ADGRL3: variants seen among roughly 807,000 people sequenced by gnomAD.
ADGRL3 encodes adhesion G protein-coupled receptor L3, also known as calcium-independent alpha-latrotoxin receptor 3.
Under a neutral mutation model 153.5 loss-of-function variants are expected in ADGRL3, and 62 were observed. The ratio of observed to expected loss-of-function variants is 0.40; its 90% CI spans 0.33 to 0.50. The LOEUF is 0.50. Among genes scored for constraint, ADGRL3 ranks in the 20% least tolerant of loss-of-function variants. The probability of loss-of-function intolerance (pLI) is 0.47; values close to 1 mark genes in which losing one functional copy is unlikely to be tolerated. For missense variants in ADGRL3, 1,641 were observed against 1,859.4 expected, an observed-to-expected ratio of 0.88 and a Z score of 2.16; for synonymous variants, 710 against 672.5, an observed-to-expected ratio of 1.06 and a Z score of -0.86.
chr4:62,042,724 T>C (rs186811256), intron 24 of ADGRL3, among the ~76,000 whole-genome samples: 5 of 152,216 alleles, frequency 3.3e-5, no homozygotes, highest in Non-Finnish European at 5.9e-5. Flanking sequence ...CCTTAATATA[T>C]GGTAAAAATA....
chr4:61,637,604 A>C (rs1021314105), intron 5 of ADGRL3, among the ~76,000 whole-genome samples: 1 of 152,086 alleles, frequency 6.6e-6, no homozygotes, highest in Non-Finnish European at 1.5e-5. Flanking sequence ...TCTATGCAAA[A>C]ATACAAAAAT....
At position 62,070,798 on chromosome 4, in the gene ADGRL3, T is replaced by C. The variant is rs1745407402; in HGVS notation, c.4522T>C (p.Tyr1508His). The C allele has an allele frequency of 6.4e-7, 1 of 1,551,538 alleles. No homozygotes were observed. The highest frequency in any genetic ancestry group is 1.2e-5 in the South Asian group (1 of 84,066). The stretch of plus-strand genomic sequence containing the variant: ...CCACGTCCATCAGCTGCATACTTAC[T>C]ACCAGCTAGGTCGCGGCAGCAGTGA... ...RNHVHQLHTY[Y>H]QLGRGSSDGF... The change falls in exon 27 of 27, where the codon TAC becomes CAC. Residue 1508 changes from tyrosine to histidine, a missense_variant. Around this residue, in one of 5 missense-constraint regions of ADGRL3, gnomAD observed 517 missense variants for 555.0 expected, o/e 0.93. Transcript: ENST00000683033.
At chr4:61,259,625 C>A (rs1225182926) in intron 1 of ADGRL3, among the ~76,000 whole-genome samples, 1 of 151,994 alleles carries the variant, frequency 6.6e-6, no homozygotes, top group Non-Finnish European at 1.5e-5. Context: ...CTGAACAGCA[C>A]GTCCATATGC....
intron 2 of ADGRL3, among the ~76,000 whole-genome samples, chr4:61,388,185 G>C (rs1321720795): frequency 1.3e-5 from 2 of 152,126 alleles, no homozygotes; most frequent in Admixed American, 1.3e-4. Flanking sequence ...AGAGTCAATA[G>C]AGGACCTTGG....
In ADGRL3 at chr4:61,491,884, G is replaced by A. The variant is rs77488237; in HGVS notation, c.-173-5237G>A. 1.6e-4 allele frequency among the ~76,000 whole-genome samples: 24 copies of A among 152,140 alleles called. 1 individual carries two copies. The East Asian group carries it at 4.6e-3, about 29-fold the overall frequency. ...TTGTTTTGATTTTTAAACCAAAATGGTTTTAAATTTTTCAAATTTTAAAGT... is the reference window on the plus strand; with the variant it reads ...TTGTTTTGATTTTTAAACCAAAATGATTTTAAATTTTTCAAATTTTAAAGT... On this transcript the variant is annotated intron_variant, in intron 2 of 26. Transcript: ENST00000683033.
chr4:61,965,427 A>G (rs1054348506), intron 17 of ADGRL3, among the ~76,000 whole-genome samples: 14 of 152,196 alleles, frequency 9.2e-5, no homozygotes. Flanking sequence ...AAGATAGACA[A>G]TAATGACAAA....
At chr4:61,441,347 C>G (rs1198218768) in intron 2 of ADGRL3, among the ~76,000 whole-genome samples, 3 of 152,074 alleles carry the variant, frequency 2.0e-5, no homozygotes, top group African/African-American at 7.2e-5. Context: ...ATTATAGAGG[C>G]CACCATTTCC....
At chr4:61,960,144 T>G (rs957737846) in intron 17 of ADGRL3, among the ~76,000 whole-genome samples, 1 of 152,202 alleles carries the variant, frequency 6.6e-6, no homozygotes, top group Admixed American at 6.5e-5. Context: ...TTTTTGGTGT[T>G]TTCTCACTGA....
chr4:61,634,209 G>T (rs1254140348), intron 5 of ADGRL3, among the ~76,000 whole-genome samples: 1 of 152,116 alleles, frequency 6.6e-6, no homozygotes, highest in East Asian at 1.9e-4. Context: ...AATGCCAATT[G>T]TAAATCACCC....
intron 23 of ADGRL3, among the ~76,000 whole-genome samples, chr4:62,033,093 C>G (rs544302789): frequency 6.6e-6 from 1 of 151,758 alleles, no homozygotes; most frequent in East Asian, 1.9e-4. Context: ...TACTCATTGC[C>G]CAATGGATGG....
intron 9 of ADGRL3, among the ~76,000 whole-genome samples, chr4:61,870,837 G>A (rs2098439566): frequency 6.6e-6 from 1 of 152,122 alleles, no homozygotes; most frequent in Non-Finnish European, 1.5e-5. Context: ...CTTACACACA[G>A]CTGGTGGGAT....
At chr4:61,763,168 T>C (rs552035861) in intron 8 of ADGRL3, among the ~76,000 whole-genome samples, 5 of 151,990 alleles carry the variant, frequency 3.3e-5, no homozygotes, top group Non-Finnish European at 7.4e-5. Context: ...GTTTCATTTA[T>C]TTTTAACCGT....
chr4:61,652,333 G>A (rs2094290454), intron 5 of ADGRL3, among the ~76,000 whole-genome samples: 1 of 152,008 alleles, frequency 6.6e-6, no homozygotes, highest in Non-Finnish European at 1.5e-5. Flanking sequence ...TTTTTACCCA[G>A]TCTGAAGATT....
In ADGRL3 at chr4:61,852,350, C is replaced by T. The variant is rs192373378; in HGVS notation, c.1480+38461C>T. ...TATTTTTTGAGACAGGGTCTCACTC[C>T]GTTGCCCAGGCTGGAGTGCCGTGGC... is the stretch of plus-strand genomic sequence containing the variant. On this transcript the variant is annotated intron_variant, in intron 9 of 26. Coordinates refer to ENST00000683033, the MANE Select transcript of ADGRL3 (RefSeq NM_001387552.1). Among the ~76,000 whole-genome samples, 1,460 of 151,568 alleles carry T rather than the reference C, an allele frequency of 9.6e-3. 19 individuals are homozygous for T. The highest frequency in any genetic ancestry group is 0.012 in the Non-Finnish European group (806 of 67,892).
chr4:61,963,476 C>A (rs1283889185), intron 17 of ADGRL3, among the ~76,000 whole-genome samples: 1 of 151,850 alleles, frequency 6.6e-6, no homozygotes, highest in Non-Finnish European at 1.5e-5. Context: ...TATGTGTAGT[C>A]GATATTTATC....
At chr4:62,057,477 A>T (rs1232109813) in intron 25 of ADGRL3, among the ~76,000 whole-genome samples, 2 of 152,150 alleles carry the variant, frequency 1.3e-5, no homozygotes, top group African/African-American at 4.8e-5. Context: ...TAAAATGACT[A>T]TGATTTTAAC....
chr4:61,395,129 A>C (rs1001736879), intron 2 of ADGRL3, among the ~76,000 whole-genome samples: 17 of 152,038 alleles, frequency 1.1e-4, no homozygotes, highest in Admixed American at 7.9e-4. Context: ...AATTAATAGT[A>C]TTCTTGGATT....
intron 8 of ADGRL3, among the ~76,000 whole-genome samples, chr4:61,779,115 G>A (rs374133123): frequency 1.3e-5 from 2 of 151,908 alleles, no homozygotes; most frequent in East Asian, 1.9e-4. Flanking sequence ...ACAATGTTAT[G>A]TAATTATTTG....
At chr4:61,507,931 C>T (rs1420079752) in intron 3 of ADGRL3, among the ~76,000 whole-genome samples, 1 of 152,108 alleles carries the variant, frequency 6.6e-6, no homozygotes, top group Non-Finnish European at 1.5e-5. Flanking sequence ...GAATAATTTA[C>T]AACATTCTGA....
Sources: gnomAD v4.1 joint callset for allele counts (sites outside exome capture counted in the v4.1 genomes callset) on GRCh38, gnomAD v4.1.1 for gene constraint, gnomAD v4.1.1 regional missense constraint, MANE v1.5 for transcripts, NCBI Gene and HGNC (gene_info 2026-07-23, HGNC 2026-07-21) for gene names.